The following SGCZ variants were observed in gnomAD, a reference collection of about 807,000 sequenced individuals.
SGCZ encodes the protein sarcoglycan zeta, also known as zeta-sarcoglycan.
Under a neutral mutation model 41.3 loss-of-function variants are expected in SGCZ, and 40 were observed. That is an observed-to-expected ratio of 0.97 (90% CI 0.75 to 1.26). The LOEUF is 1.26. Among genes scored for constraint, SGCZ ranks in the 50% most tolerant of loss-of-function variants. SGCZ has a pLI of 0.00. For synonymous variants in SGCZ, 206 were observed against 137.5 expected (o/e 1.50, Z -3.49); for missense variants, 552 against 369.8 (o/e 1.49, Z -4.04).
chr8:14,919,857 G>T (rs1201669999), intron 1 of SGCZ, among the ~76,000 whole-genome samples: 2 of 151,962 alleles, frequency 1.3e-5, no homozygotes, highest in Non-Finnish European at 2.9e-5. Context: ...GGCAGAGGTT[G>T]CAGTGAGCCA....
chr8:14,455,401 T>C (rs1001650087), intron 2 of SGCZ, among the ~76,000 whole-genome samples: 7 of 151,800 alleles, frequency 4.6e-5, no homozygotes, highest in African/African-American at 1.7e-4. Context: ...CTCTCACATA[T>C]TGCTGGTAGA....
intron 1 of SGCZ, among the ~76,000 whole-genome samples, chr8:14,585,413 T>C (rs1805025056): frequency 2.6e-5 from 4 of 152,102 alleles, no homozygotes; most frequent in Admixed American, 2.6e-4. Flanking sequence ...ATAATGTTTA[T>C]ACTTCTTTCT....
At chr8:14,939,682 C>T (rs977134923) in intron 1 of SGCZ, among the ~76,000 whole-genome samples, 36 of 152,080 alleles carry the variant, frequency 2.4e-4, no homozygotes, top group African/African-American at 8.4e-4. Flanking sequence ...TGTACGAGCT[C>T]ATAAAAATTC....
intron 1 of SGCZ, among the ~76,000 whole-genome samples, chr8:14,584,058 T>A (rs965284959): frequency 1.2e-4 from 19 of 152,166 alleles, no homozygotes; most frequent in African/African-American, 3.6e-4. Context: ...CTATTCTTTA[T>A]CTCAGGGAGC....
intron 1 of SGCZ, among the ~76,000 whole-genome samples, chr8:15,228,160 G>T (rs946490622): frequency 6.6e-6 from 1 of 152,148 alleles, no homozygotes; most frequent in Non-Finnish European, 1.5e-5. Context: ...AAACAAATAC[G>T]TATGTAATAT....
At chr8:14,283,412 T>G (rs949106021) in intron 3 of SGCZ, among the ~76,000 whole-genome samples, 6 of 152,294 alleles carry the variant, frequency 3.9e-5, no homozygotes, top group East Asian at 1.9e-4. Context: ...TATCTAATGT[T>G]TCTCGTTCAA....
chr8:14,673,679 G>T (rs1808181436), intron 1 of SGCZ, among the ~76,000 whole-genome samples: 1 of 152,134 alleles, frequency 6.6e-6, no homozygotes, highest in Non-Finnish European at 1.5e-5. Flanking sequence ...TCAGGAATCA[G>T]ATTTATAAAT....
chr8:14,786,481 A>C (rs1487288698), intron 1 of SGCZ, among the ~76,000 whole-genome samples: 2 of 152,136 alleles, frequency 1.3e-5, no homozygotes. Context: ...TTTATGTACC[A>C]TGATACAACG....
chr8:14,758,366 T>C (rs905455514), intron 1 of SGCZ, among the ~76,000 whole-genome samples: 1 of 152,180 alleles, frequency 6.6e-6, no homozygotes, highest in African/African-American at 2.4e-5. Flanking sequence ...TCATTAATAC[T>C]GATTTTTTTT....
chr8:15,021,713 T>C (rs1299883846), intron 1 of SGCZ, among the ~76,000 whole-genome samples: 1 of 152,188 alleles, frequency 6.6e-6, no homozygotes, highest in African/African-American at 2.4e-5. Context: ...TTCCATTGAT[T>C]AGGATTTATC....
intron 1 of SGCZ, among the ~76,000 whole-genome samples, chr8:14,567,208 G>A (rs147040957): frequency 6.6e-6 from 1 of 152,186 alleles, no homozygotes; most frequent in Admixed American, 6.5e-5. Context: ...ATCGCCCAAG[G>A]GCTGAGGAGT....
At chr8:14,770,011 C>A (rs2130389140) in intron 1 of SGCZ, among the ~76,000 whole-genome samples, 1 of 151,696 alleles carries the variant, frequency 6.6e-6, no homozygotes, top group South Asian at 2.1e-4. Flanking sequence ...TACCATGCTC[C>A]CTTGTGTCTT....
intron 1 of SGCZ, among the ~76,000 whole-genome samples, chr8:15,007,549 G>A (rs1802650940): frequency 6.6e-6 from 1 of 152,150 alleles, no homozygotes; most frequent in African/African-American, 2.4e-5. Flanking sequence ...GTAACTCAAG[G>A]CATATCTGTG....
In SGCZ at chr8:14,089,005, T is replaced by C. The variant is rs1325848108; in HGVS notation, c.*1438A>G. Among the ~76,000 whole-genome samples the C allele has an allele frequency of 6.6e-6, 1 of 151,930 alleles. No individual in the cohort carries two copies. The highest frequency in any genetic ancestry group is 2.4e-5 in the African/African-American group (1 of 41,412). ...TGAAAATTCAGGACTTACCTTATAG[T>C]AATTAAGTCATCTTCCCATAATAGG... is the stretch of plus-strand genomic sequence containing the variant. On this transcript the variant is annotated 3_prime_UTR_variant, in exon 8 of 8. Coordinates refer to ENST00000382080, the MANE Select transcript of SGCZ (RefSeq NM_139167.4).
intron 1 of SGCZ, among the ~76,000 whole-genome samples, chr8:15,028,634 T>C (rs1447254089): frequency 6.6e-6 from 1 of 152,096 alleles, no homozygotes; most frequent in African/African-American, 2.4e-5. Flanking sequence ...TCATATTGAT[T>C]CAAGTGGATA....
At chr8:14,922,139 C>A (rs1008924399) in intron 1 of SGCZ, among the ~76,000 whole-genome samples, 1 of 151,902 alleles carries the variant, frequency 6.6e-6, no homozygotes, top group East Asian at 1.9e-4. Context: ...AGCTTCAGAC[C>A]TTGGGGAAGG....
intron 1 of SGCZ, among the ~76,000 whole-genome samples, chr8:14,690,041 G>T (rs1660576910): frequency 6.6e-6 from 1 of 151,128 alleles, no homozygotes; most frequent in Admixed American, 6.6e-5. Context: ...GAAGATTTTA[G>T]AATACAAAAG....
intron 1 of SGCZ, among the ~76,000 whole-genome samples, chr8:15,180,711 C>A (rs111871992): frequency 0.015 from 2,209 of 152,004 alleles, 43 homozygotes; most frequent in African/African-American, 0.05. Context: ...TGTTGAAATT[C>A]CATCTCTATT....
intron 1 of SGCZ, among the ~76,000 whole-genome samples, chr8:14,557,245 G>A (rs1380450461): frequency 6.7e-6 from 1 of 149,458 alleles, no homozygotes; most frequent in Non-Finnish European, 1.5e-5. Flanking sequence ...TTTGAGAACT[G>A]TCTATTTATG....
Sources: allele counts gnomAD v4.1 joint callset (sites outside exome capture counted in the v4.1 genomes callset), GRCh38; gene constraint gnomAD v4.1.1; transcripts MANE v1.5; gene names NCBI Gene and HGNC (gene_info 2026-07-23, HGNC 2026-07-21).